Variants in RPH3A observed in about 807,000 individuals in gnomAD.
The protein encoded by RPH3A is rabphilin 3A.
A neutral mutation model predicts 102.2 loss-of-function variants in RPH3A; 48 were observed. The observed-to-expected ratio is 0.47, with a 90% CI of 0.37 to 0.60. The LOEUF (loss-of-function observed/expected upper bound fraction) is 0.60. Ranked by LOEUF, RPH3A falls within the 20% of genes least tolerant of loss-of-function variation. RPH3A has a pLI of 0.00. For synonymous variants in RPH3A, 310 were observed against 324.3 expected (o/e 0.96, Z 0.47); for missense variants, 781 against 910.1 (o/e 0.86, Z 1.83).
chr12:112,753,007 G>A (rs1261856684), intron 1 of RPH3A, among the ~76,000 whole-genome samples: 2 of 147,440 alleles, frequency 1.4e-5, no homozygotes, highest in African/African-American at 2.5e-5. Context: ...AAACAGTGCA[G>A]TGAATATCCT....
At chr12:112,743,934 A>G (rs986744051) in intron 1 of RPH3A, among the ~76,000 whole-genome samples, 4 of 152,186 alleles carry the variant, frequency 2.6e-5, no homozygotes, top group African/African-American at 9.6e-5. Context: ...TTTCACCCTC[A>G]GGCTCTGAGC....
chr12:112,663,346 A>G (rs1187745444), intron 1 of RPH3A, among the ~76,000 whole-genome samples: 4 of 151,896 alleles, frequency 2.6e-5, no homozygotes, highest in Non-Finnish European at 4.4e-5. Flanking sequence ...AGTAGCTGGC[A>G]CTACAGGTGT....
At chr12:112,596,806 A>G (rs1347928749) in intron 1 of RPH3A, among the ~76,000 whole-genome samples, 1 of 152,188 alleles carries the variant, frequency 6.6e-6, no homozygotes, top group Non-Finnish European at 1.5e-5. Context: ...CATTTGGGGG[A>G]CAATTAAAAT....
chr12:112,797,331 T>G (rs1180951474), intron 2 of RPH3A, among the ~76,000 whole-genome samples: 1 of 152,138 alleles, frequency 6.6e-6, no homozygotes, highest in Non-Finnish European at 1.5e-5. Flanking sequence ...GAAGCAGGCT[T>G]GGTTTCTTGG....
intron 1 of RPH3A, among the ~76,000 whole-genome samples, chr12:112,664,509 A>G (rs564481493): frequency 6.6e-6 from 1 of 152,288 alleles, no homozygotes; most frequent in African/African-American, 2.4e-5. Context: ...AATAGTTGAA[A>G]ACAAATCTCC....
chr12:112,575,433 C>G (rs886712801), intron 1 of RPH3A: 1 of 152,228 alleles, frequency 6.6e-6, no homozygotes, highest in African/African-American at 2.4e-5. Context: ...CGGGACGCTG[C>G]CTCCGGGAAT....
intron 1 of RPH3A, among the ~76,000 whole-genome samples, chr12:112,708,101 A>C (rs2040437014): frequency 6.6e-6 from 1 of 152,222 alleles, no homozygotes; most frequent in South Asian, 2.1e-4. Context: ...AACTGTTCTG[A>C]AAACATCTCA....
At chr12:112,893,792 G>A (rs1250786664) in intron 19 of RPH3A, 1 of 152,298 alleles carries the variant, frequency 6.6e-6, no homozygotes, top group Non-Finnish European at 1.5e-5. Context: ...GCCTCCTAAA[G>A]TGCAGAGATT....
intron 1 of RPH3A, among the ~76,000 whole-genome samples, chr12:112,597,623 A>T (rs2039527430): frequency 6.6e-6 from 1 of 152,144 alleles, no homozygotes; most frequent in South Asian, 2.1e-4. Flanking sequence ...AAAAAAGTAA[A>T]TGACCTATCC....
At chr12:112,736,397 C>T (rs536238735) in intron 1 of RPH3A, among the ~76,000 whole-genome samples, 1 of 152,332 alleles carries the variant, frequency 6.6e-6, no homozygotes, top group East Asian at 1.9e-4. Context: ...TACTTATTTG[C>T]CTTCTGACTG....
At chr12:112,599,849 C>T (rs2039546113) in intron 1 of RPH3A, among the ~76,000 whole-genome samples, 1 of 152,156 alleles carries the variant, frequency 6.6e-6, no homozygotes, top group Admixed American at 6.5e-5. Flanking sequence ...CCCGATTTTG[C>T]CCCCTGCATA....
At chr12:112,804,017 T>C (rs887765767) in intron 2 of RPH3A, among the ~76,000 whole-genome samples, 2 of 152,240 alleles carry the variant, frequency 1.3e-5, no homozygotes, top group African/African-American at 4.8e-5. Flanking sequence ...AAGTTGTTTG[T>C]TATTGCATAG....
At chr12:112,634,531 A>G (rs944150772) in intron 1 of RPH3A, among the ~76,000 whole-genome samples, 2 of 145,494 alleles carry the variant, frequency 1.4e-5, no homozygotes, top group South Asian at 2.3e-4. Context: ...ACTCAAGCCC[A>G]GGCAACAGAG....
At chr12:112,879,021 A>G in intron 13 of RPH3A, 98 bp from the exon 14 acceptor site, 1 of 1,092,112 alleles carries the variant, frequency 9.2e-7, no homozygotes, top group Non-Finnish European at 1.4e-6. Context: ...CTGTGGTCTC[A>G]ATTCACAGCC....
At chr12:112,752,972 T>C (rs903908373) in intron 1 of RPH3A, among the ~76,000 whole-genome samples, 15 of 143,666 alleles carry the variant, frequency 1.0e-4, no homozygotes, top group South Asian at 2.1e-4. Flanking sequence ...AGTTTTCTTT[T>C]TTTTTTTTTT....
At chr12:112,655,505 C>G (rs11525585) in intron 1 of RPH3A, among the ~76,000 whole-genome samples, 1 of 147,472 alleles carries the variant, frequency 6.8e-6, no homozygotes, top group Non-Finnish European at 1.5e-5. Flanking sequence ...GGTCTTCAAT[C>G]TAGGTCAATA....
At chr12:112,886,714 T>C (rs1315035378) in intron 16 of RPH3A, among the ~76,000 whole-genome samples, 2 of 152,200 alleles carry the variant, frequency 1.3e-5, no homozygotes, top group Non-Finnish European at 1.5e-5. Flanking sequence ...TATATTACTA[T>C]AGGATTCAGG....
At chr12:112,746,820 T>C (rs540209979) in intron 1 of RPH3A, among the ~76,000 whole-genome samples, 8 of 152,252 alleles carry the variant, frequency 5.3e-5, no homozygotes, top group African/African-American at 1.9e-4. Flanking sequence ...CAGCTGCCTC[T>C]GTCTCAGTCT....
At chr12:112,662,498 G>A (rs2040055484) in intron 1 of RPH3A, among the ~76,000 whole-genome samples, 2 of 152,220 alleles carry the variant, frequency 1.3e-5, no homozygotes, top group South Asian at 4.1e-4. Flanking sequence ...AGCAGTGCTG[G>A]CTTTTGCTAT....
Sources: gnomAD v4.1 joint callset for allele counts (sites outside exome capture counted in the v4.1 genomes callset) on GRCh38, gnomAD v4.1.1 for gene constraint, MANE v1.5 for transcripts, NCBI Gene and HGNC (gene_info 2026-07-23, HGNC 2026-07-21) for gene names.